Variants in SMURF2 observed in about 807,000 individuals in gnomAD.
The protein encoded by SMURF2 is E3 ubiquitin-protein ligase SMURF2.
SMURF2 carries 48 observed loss-of-function variants against 109.6 expected under a neutral mutation model. The observed-to-expected ratio is 0.44, with a 90% CI of 0.35 to 0.56. The LOEUF (loss-of-function observed/expected upper bound fraction) is 0.56, where lower values mean the gene tolerates loss of function less well. SMURF2 is among the 20% of genes least tolerant of loss of function. The probability of loss-of-function intolerance (pLI) is 0.01; values close to 1 mark genes in which losing one functional copy is unlikely to be tolerated. For missense variants in SMURF2, 575 were observed against 909.0 expected (o/e 0.63, Z 4.72); for synonymous variants, 288 against 317.1 (o/e 0.91, Z 0.97).
At chr17:64,626,734 G>A (rs1970273446) in intron 1 of SMURF2, among the ~76,000 whole-genome samples, 2 of 152,054 alleles carry the variant, frequency 1.3e-5, no homozygotes. Flanking sequence ...CTGTACTCCA[G>A]CCTGCTCGAC....
At chr17:64,619,297 T>A (rs1322621568) in intron 1 of SMURF2, among the ~76,000 whole-genome samples, 1 of 151,392 alleles carries the variant, frequency 6.6e-6, no homozygotes, top group African/African-American at 2.4e-5. Context: ...GCTAACATGG[T>A]GAAACCCCGT....
chr17:64,563,462 A>G (rs1969254930), intron 10 of SMURF2, among the ~76,000 whole-genome samples: 1 of 152,256 alleles, frequency 6.6e-6, no homozygotes, highest in African/African-American at 2.4e-5. Flanking sequence ...AGTCAATATT[A>G]ACTACTCTTA....
intron 9 of SMURF2, among the ~76,000 whole-genome samples, chr17:64,576,021 A>G (rs1969484934): frequency 6.6e-6 from 1 of 151,944 alleles, no homozygotes; most frequent in Non-Finnish European, 1.5e-5. Flanking sequence ...CTTGGGCAAC[A>G]TGGCGTAACC....
At chr17:64,638,637 C>A (rs1970453690) in intron 1 of SMURF2, among the ~76,000 whole-genome samples, 1 of 152,208 alleles carries the variant, frequency 6.6e-6, no homozygotes, top group Non-Finnish European at 1.5e-5. Context: ...GCTACAAAAT[C>A]TTAAAGAATT....
intron 1 of SMURF2, among the ~76,000 whole-genome samples, chr17:64,649,375 T>C (rs534050867): frequency 1.5e-4 from 23 of 152,202 alleles, no homozygotes; most frequent in African/African-American, 5.1e-4. Context: ...TATCAAGTCA[T>C]AAAGAGTTCA....
Position 64,591,149 on chromosome 17 carries a change from T to A in SMURF2, c.335A>T (p.Tyr112Phe), listed in dbSNP as rs373932060. 3.9e-5 allele frequency: 63 copies of A among 1,612,206 alleles called. No individual in the cohort carries two copies. Among genetic ancestry groups the A allele is most frequent in the Non-Finnish European group, 5.1e-5 (60 of 1,179,230 alleles). ...GAGTTTGCATAAATCCAACCTCTGATCTATTTGAAGTCAACAAAGAAAGCA... is the reference window on the plus strand; with the variant it reads ...GAGTTTGCATAAATCCAACCTCTGAACTATTTGAAGTCAACAAAGAAAGCA... ...NAINRLKDTG[Y>F]QRLDLCKLGP... Residue 112 changes from tyrosine to phenylalanine, a missense_variant and splice_region_variant, in exon 5 of 19, where the codon TAT (tyrosine) becomes TTT (phenylalanine). By Grantham distance (22) the Tyr-to-Phe change is conservative (BLOSUM62 3). Coordinates refer to ENST00000262435, the MANE Select transcript of SMURF2 (RefSeq NM_022739.4).
At chr17:64,551,069 A>T (rs1276614821) in intron 16 of SMURF2, among the ~76,000 whole-genome samples, 2 of 152,102 alleles carry the variant, frequency 1.3e-5, no homozygotes, top group Non-Finnish European at 2.9e-5. Context: ...TATAAGAGAG[A>T]CTGCTCACAG....
chr17:64,576,635 G>T (rs1014367830), intron 9 of SMURF2, among the ~76,000 whole-genome samples: 1 of 150,942 alleles, frequency 6.6e-6, no homozygotes, highest in Non-Finnish European at 1.5e-5. Flanking sequence ...CTGCACTCCC[G>T]CCTGGACAAC....
rs189151845 is a variant in SMURF2 at position 64,591,927 on chromosome 17, A to G, written c.335-778T>C. Among the ~76,000 whole-genome samples, 589 of 152,370 alleles carry G rather than the reference A, an allele frequency of 3.9e-3. 5 individuals are homozygous for G. Among genetic ancestry groups the G allele is most frequent in the African/African-American group, 0.014 (564 of 41,588 alleles). ...TTTGATAAATTCAATATTACTGCAC[A>G]TCAAAAAAGTCAAATAAATTAATAC... On this transcript the variant is annotated intron_variant, in intron 4 of 18. Transcript: ENST00000262435.
intron 16 of SMURF2, among the ~76,000 whole-genome samples, chr17:64,550,052 T>A (rs1035962480): frequency 3.3e-5 from 5 of 152,378 alleles, no homozygotes; most frequent in Admixed American, 3.3e-4. Context: ...TCGTTTATTG[T>A]ATAAAGAGAT....
At chr17:64,605,064 TAA>T (rs200250514) in intron 2 of SMURF2, among the ~76,000 whole-genome samples, 2 of 144,520 alleles carry the variant, frequency 1.4e-5, no homozygotes, top group African/African-American at 2.5e-5. Flanking sequence ...TATCAAAGGT[TAA>T]AAAAAAAAAA....
At chr17:64,567,558 T>C (rs371676525) in intron 10 of SMURF2, among the ~76,000 whole-genome samples, 44 of 152,296 alleles carry the variant, frequency 2.9e-4, no homozygotes, top group Middle Eastern at 3.4e-3. Flanking sequence ...AAGGCAAACA[T>C]CTATTACCTA....
chr17:64,565,382 G>T (rs1555684863), intron 10 of SMURF2, among the ~76,000 whole-genome samples: 1 of 152,180 alleles, frequency 6.6e-6, no homozygotes, highest in Non-Finnish European at 1.5e-5. Flanking sequence ...ATCCTTTAGG[G>T]CCTCTGCCAA....
chr17:64,613,743 T>TGG (rs1970082374), intron 1 of SMURF2, among the ~76,000 whole-genome samples: 1 of 92,156 alleles, frequency 1.1e-5, no homozygotes, highest in Non-Finnish European at 2.2e-5. Flanking sequence ...TGTGTGTGTG[T>TGG]GGAGGGGGGG....
intron 1 of SMURF2, among the ~76,000 whole-genome samples, chr17:64,625,580 T>C (rs1213976082): frequency 6.7e-6 from 1 of 150,352 alleles, no homozygotes; most frequent in Non-Finnish European, 1.5e-5. Flanking sequence ...TATGTAGAAC[T>C]GGTATTGGTT....
At position 64,547,691 on chromosome 17, in the gene SMURF2, C is replaced by T; in HGVS notation, c.1980G>A (p.Val660=). 1 of 1,614,218 alleles carries T rather than the reference C, an allele frequency of 6.2e-7. No homozygotes were observed. The highest frequency in any genetic ancestry group is 8.5e-7 in the Non-Finnish European group (1 of 1,180,036). ...SNIVKWFWKA[V]EFFDEERRAR... ...CTCGTCGCTCTTCATCAAAAAACTC[C>T]ACAGCTTTCCAGAACCATTTGACAA... The change falls in exon 17 of 19, where the codon GTG becomes GTA. Residue 660 remains valine, a synonymous_variant. Transcript: ENST00000262435. The surrounding 1 kb of genome is among the most constrained non-coding windows in gnomAD (Gnocchi z 4.2).
At chr17:64,646,335 G>C (rs1430176651) in intron 1 of SMURF2, among the ~76,000 whole-genome samples, 1 of 151,252 alleles carries the variant, frequency 6.6e-6, no homozygotes, top group Non-Finnish European at 1.5e-5. Context: ...CAAAGTGCTG[G>C]GATTATAGGC....
chr17:64,554,598 A>T (rs760272262), intron 15 of SMURF2, among the ~76,000 whole-genome samples: 6 of 152,184 alleles, frequency 3.9e-5, no homozygotes, highest in Non-Finnish European at 8.8e-5. Context: ...GTTATGAGTG[A>T]AGAGGCCATC....
In SMURF2 at chr17:64,578,578, T is replaced by C; in HGVS notation, c.773-2A>G. On this transcript the variant is annotated splice_acceptor_variant, in intron 8 of 18. Coordinates refer to ENST00000262435, the MANE Select transcript of SMURF2 (RefSeq NM_022739.4). LOFTEE classifies it high-confidence loss of function. ...GGCCTTGTTGCGTTGTCCTCTGTTC[T>C]GTAAAATTAATAAACACTGATAACA... is the stretch of plus-strand genomic sequence containing the variant. The C allele has an allele frequency of 1.2e-6, 2 of 1,605,894 alleles. No individual in the cohort carries two copies. Among genetic ancestry groups the C allele is most frequent in the Non-Finnish European group, 1.7e-6 (2 of 1,172,648 alleles).
Sources: gnomAD v4.1 joint callset for allele counts (sites outside exome capture counted in the v4.1 genomes callset) on GRCh38, gnomAD v4.1.1 for gene constraint, Gnocchi (gnomAD v3.1) non-coding constraint, MANE v1.5 for transcripts, NCBI Gene and HGNC (gene_info 2026-07-23, HGNC 2026-07-21) for gene names.